GLRX3: variants seen among roughly 807,000 people sequenced by gnomAD.
GLRX3 encodes the protein glutaredoxin 3.
In GLRX3, 22 loss-of-function variants were observed where a neutral mutation model predicts 49.5. The observed-to-expected ratio is 0.44, with a 90% CI of 0.32 to 0.63. The LOEUF is 0.63. GLRX3 is among the 30% of genes least tolerant of loss of function. GLRX3 has a pLI of 0.05. For missense variants in GLRX3, 385 were observed against 396.3 expected (o/e 0.97, Z 0.24); for synonymous variants, 133 against 140.0 (o/e 0.95, Z 0.35).
At chr10:130,172,678 A>G (rs1257738603) in intron 8 of GLRX3, among the ~76,000 whole-genome samples, 1 of 152,258 alleles carries the variant, frequency 6.6e-6, no homozygotes. Context: ...ACAGTGGCTC[A>G]CACCTGTAAT....
intron 1 of GLRX3, among the ~76,000 whole-genome samples, chr10:130,144,511 G>A (rs752738752): frequency 9.3e-5 from 14 of 150,026 alleles, no homozygotes; most frequent in African/African-American, 2.7e-4. Context: ...CCCTGTGTCC[G>A]TGTGGTTTCA....
Position 130,175,048 on chromosome 10 carries a change from T to C in GLRX3, c.916T>C (p.Tyr306His), listed in dbSNP as rs1192225224. ...YSNWPTYPQL[Y>H]VKGELVGGLD... Reference sequence around the variant, plus strand: ...AAATTGGCCAACATACCCTCAGCTGTATGTGAAAGGGGAGCTGGTGGGAGG... The same window carrying C: ...AAATTGGCCAACATACCCTCAGCTGCATGTGAAAGGGGAGCTGGTGGGAGG... Residue 306 changes from tyrosine to histidine, a missense_variant, in exon 10 of 11, where the codon TAT becomes CAT. Physicochemically the swap from Tyr to His is moderately conservative, Grantham distance 83. Transcript: ENST00000331244. The C allele has an allele frequency of 6.4e-7, 1 of 1,555,454 alleles. No homozygotes were observed. Among genetic ancestry groups the C allele is most frequent in the African/African-American group, 1.4e-5 (1 of 73,680 alleles).
At chr10:130,160,714 G>T (rs1862557964) in intron 3 of GLRX3, 82 bp from the exon 4 acceptor site, 2 of 807,370 alleles carry the variant, frequency 2.5e-6, no homozygotes, top group South Asian at 2.9e-5. Flanking sequence ...CGGTAATACT[G>T]TTGTCCCCTT....
At chr10:130,159,962 T>C (rs773340374) in intron 2 of GLRX3, 33 bp from the exon 3 acceptor site, 1 of 1,409,628 alleles carries the variant, frequency 7.1e-7, no homozygotes, top group Non-Finnish European at 1.0e-6. Context: ...AAGGACCTTG[T>C]AATAATCAAG....
chr10:130,153,737 G>A (rs1004732038), intron 2 of GLRX3, among the ~76,000 whole-genome samples: 1 of 152,156 alleles, frequency 6.6e-6, no homozygotes, highest in East Asian at 1.9e-4. Context: ...GTGTCTCCCA[G>A]TGAGGCTATA....
chr10:130,164,605 C>T (rs1057137026), intron 4 of GLRX3, among the ~76,000 whole-genome samples: 2 of 152,068 alleles, frequency 1.3e-5, no homozygotes, highest in African/African-American at 4.8e-5. Flanking sequence ...TACTTTTCTA[C>T]ATTTAAATAT....
chr10:130,166,014 G>A (rs1262818423), intron 4 of GLRX3, among the ~76,000 whole-genome samples: 1 of 152,164 alleles, frequency 6.6e-6, no homozygotes, highest in Non-Finnish European at 1.5e-5. Context: ...TAAAGACAAG[G>A]TCTTGCTTTA....
At chr10:130,147,873 C>T (rs1459309206) in intron 2 of GLRX3, among the ~76,000 whole-genome samples, 1 of 152,098 alleles carries the variant, frequency 6.6e-6, no homozygotes, top group Non-Finnish European at 1.5e-5. Context: ...AAAACCATCT[C>T]TACAAAAGAA....
Position 130,160,933 on chromosome 10 carries a change from G to A in GLRX3, c.414G>A (p.Lys138=), listed in dbSNP as rs1237247111. 3.1e-6 allele frequency: 5 copies of A among 1,613,858 alleles called. No individual in the cohort carries two copies. Among genetic ancestry groups the A allele is most frequent in the African/African-American group, 1.3e-5 (1 of 74,920 alleles). Residue 138 remains lysine (K), a synonymous_variant, in exon 4 of 11, where the codon AAG becomes AAA. Transcript: ENST00000331244. Reference sequence around the variant, plus strand: ...AAGAAGATCTCAACCTTCGCTTGAAGAAATTGACTCATGCTGCCCCCTGCA... The same window carrying A: ...AAGAAGATCTCAACCTTCGCTTGAAAAAATTGACTCATGCTGCCCCCTGCA... ...HLKEDLNLRL[K]KLTHAAPCML... is the part of the protein sequence containing the mutation.
chr10:130,145,172 T>C, intron 1 of GLRX3, 39 bp from the exon 2 acceptor site: 1 of 789,300 alleles, frequency 1.3e-6, no homozygotes, highest in South Asian at 1.8e-5. Context: ...TTTCCAAAAT[T>C]GGTATAATTT....
intron 8 of GLRX3, among the ~76,000 whole-genome samples, chr10:130,172,786 A>T (rs1476631235): frequency 6.6e-6 from 1 of 152,168 alleles, no homozygotes; most frequent in Non-Finnish European, 1.5e-5. Flanking sequence ...TACTAAAAAT[A>T]CAAAAATTAG....
chr10:130,166,590 C>G lies in GLRX3; in HGVS notation c.562C>G (p.Arg188Gly). Reference protein sequence around the residue: ...SFDIFSDEEVRQGLKAYSSWP... With the variant: ...SFDIFSDEEVGQGLKAYSSWP... Reference sequence around the variant, plus strand: ...TGATATCTTCTCAGATGAAGAGGTTCGACAGGGACTCAAAGCCTATTCCAG... The same window carrying G: ...TGATATCTTCTCAGATGAAGAGGTTGGACAGGGACTCAAAGCCTATTCCAG... Residue 188 changes from arginine (R) to glycine (G), a missense_variant, in exon 5 of 11, where the codon CGA becomes GGA. Around this residue, in one of 2 missense-constraint regions of GLRX3, gnomAD observed 374 missense variants for 358.6 expected, o/e 1.04. Coordinates refer to ENST00000331244, the MANE Select transcript of GLRX3 (RefSeq NM_006541.5). 3 of 1,608,856 alleles carry G rather than the reference C, an allele frequency of 1.9e-6. No individual in the cohort carries two copies. The highest frequency in any genetic ancestry group is 2.6e-6 in the Non-Finnish European group (3 of 1,175,298).
At position 130,171,125 on chromosome 10, in the gene GLRX3, T is replaced by A. The variant is rs944314396; in HGVS notation, c.772-459T>A. 8.6e-5 allele frequency among the ~76,000 whole-genome samples: 13 copies of A among 150,460 alleles called. 1 individual carries two copies. The highest frequency in any genetic ancestry group is 6.6e-5 in the Admixed American group (1 of 15,106). On this transcript the variant is annotated intron_variant, in intron 7 of 10. Transcript: ENST00000331244. ...CAGAGTGAGACTCTGTCTCAAAAAA[T>A]AAATAAATAAATAAATAAATAAATA...
intron 1 of GLRX3, among the ~76,000 whole-genome samples, chr10:130,140,014 T>A (rs964266716): frequency 3.3e-5 from 5 of 152,248 alleles, no homozygotes; most frequent in African/African-American, 1.2e-4. Flanking sequence ...TCTCCAATTT[T>A]AAAATTTGAC....
chr10:130,160,883 C>T lies in GLRX3; in HGVS notation c.364C>T (p.Leu122=), dbSNP rs375155363. 3 of 1,611,154 alleles carry T rather than the reference C, an allele frequency of 1.9e-6. No individual in the cohort carries two copies. Among genetic ancestry groups the T allele is most frequent in the Middle Eastern group, 1.6e-4 (1 of 6,074 alleles). The change falls in exon 4 of 11, where the codon CTA becomes TTA. Residue 122 remains leucine, a synonymous_variant. Transcript: ENST00000331244. The stretch of plus-strand genomic sequence containing the variant: ...GCGACATGCATCTAGTGGCTCCTTC[C>T]TACCCAGCGCTAATGAACATCTTAA... The part of the protein sequence containing the change: ...VQRHASSGSF[L]PSANEHLKED...
intron 1 of GLRX3, among the ~76,000 whole-genome samples, chr10:130,139,162 A>G (rs1564985561): frequency 6.6e-6 from 1 of 151,918 alleles, no homozygotes; most frequent in East Asian, 2.0e-4. Flanking sequence ...GCCAAAATGG[A>G]TAAAAGTTTA....
At chr10:130,139,245 A>C (rs1483121258) in intron 1 of GLRX3, among the ~76,000 whole-genome samples, 1 of 152,172 alleles carries the variant, frequency 6.6e-6, no homozygotes, top group African/African-American at 2.4e-5. Context: ...AACAATGTGC[A>C]CTTTCCTTAG....
At chr10:130,148,901 G>A (rs551480272) in intron 2 of GLRX3, among the ~76,000 whole-genome samples, 41 of 151,958 alleles carry the variant, frequency 2.7e-4, no homozygotes, top group South Asian at 8.3e-4. Context: ...CATCTCTACA[G>A]AATAAAAATT....
At chr10:130,176,094 T>C (rs987114153) in intron 10 of GLRX3, among the ~76,000 whole-genome samples, 3 of 152,222 alleles carry the variant, frequency 2.0e-5, no homozygotes, top group Admixed American at 2.0e-4. Context: ...CTACTTCTAG[T>C]TATGTTGTAA....
Sources: allele counts gnomAD v4.1 joint callset (sites outside exome capture counted in the v4.1 genomes callset), GRCh38; gene constraint gnomAD v4.1.1; regional missense constraint gnomAD v4.1.1; transcripts MANE v1.5; gene names NCBI Gene and HGNC (gene_info 2026-07-23, HGNC 2026-07-21).